The following DMGDH variants were observed in gnomAD, a reference collection of about 807,000 sequenced individuals.
DMGDH encodes dimethylglycine dehydrogenase.
Under a neutral mutation model 95.2 loss-of-function variants are expected in DMGDH, and 76 were observed. The ratio of observed to expected loss-of-function variants is 0.80; its 90% CI spans 0.66 to 0.97. The LOEUF (loss-of-function observed/expected upper bound fraction) is 0.97, where lower values mean the gene tolerates loss of function less well. DMGDH is among the 50% of genes least tolerant of loss of function. The pLI, the probability that DMGDH is intolerant of heterozygous loss-of-function variation, is 0.00. For synonymous variants in DMGDH, 345 were observed against 377.6 expected (o/e 0.91, Z 1.00); for missense variants, 987 against 1,055.0 (o/e 0.94, Z 0.89).
chr5:79,049,089 T>C (rs1184932011), intron 5 of DMGDH, among the ~76,000 whole-genome samples: 1 of 152,148 alleles, frequency 6.6e-6, no homozygotes, highest in Non-Finnish European at 1.5e-5. Flanking sequence ...TCCAGGCTCG[T>C]ACGAGACAAG....
chr5:79,029,169 T>A (rs1027520311), intron 11 of DMGDH, among the ~76,000 whole-genome samples: 1 of 152,190 alleles, frequency 6.6e-6, no homozygotes, highest in Non-Finnish European at 1.5e-5. Context: ...TGGTTTCTAA[T>A]TTATTGAGCA....
At chr5:79,054,104 GT>G in intron 4 of DMGDH, 79 bp downstream of exon 4, 5 of 1,523,480 alleles carry the variant, frequency 3.3e-6, no homozygotes, top group Non-Finnish European at 4.5e-6. Context: ...CAAGTTTTCT[GT>G]TTTTAGTTAA....
chr5:79,005,197 A>G (rs1943208689), intron 15 of DMGDH, 76 bp downstream of exon 15: 1 of 1,595,668 alleles, frequency 6.3e-7, no homozygotes, highest in East Asian at 2.2e-5. Flanking sequence ...AAAGGGTTTA[A>G]GAGGAAATAG....
intron 14 of DMGDH, among the ~76,000 whole-genome samples, chr5:79,019,905 CAGAT>C (rs1419654310): frequency 5.9e-5 from 9 of 151,958 alleles, no homozygotes; most frequent in Admixed American, 6.6e-5. Flanking sequence ...GTTAGATAGA[CAGAT>C]AGATCGATAG....
intron 2 of DMGDH, among the ~76,000 whole-genome samples, chr5:79,056,601 C>A (rs1246120411): frequency 6.8e-6 from 1 of 147,090 alleles, no homozygotes. Flanking sequence ...TGCCTGTAAT[C>A]CCAGCACTTT....
intron 5 of DMGDH, among the ~76,000 whole-genome samples, chr5:79,051,039 G>A (rs1000538693): frequency 1.1e-4 from 17 of 151,974 alleles, no homozygotes; most frequent in African/African-American, 3.1e-4. Flanking sequence ...ACACAATCTG[G>A]AGCAAAATAA....
At chr5:79,005,643 C>T (rs945318229) in intron 14 of DMGDH, among the ~76,000 whole-genome samples, 1 of 152,026 alleles carries the variant, frequency 6.6e-6, no homozygotes, top group Non-Finnish European at 1.5e-5. Flanking sequence ...GACAATTTAC[C>T]AGAACCAGGC....
At chr5:79,060,524 G>A (rs1755168880) in intron 2 of DMGDH, among the ~76,000 whole-genome samples, 1 of 152,138 alleles carries the variant, frequency 6.6e-6, no homozygotes, top group Non-Finnish European at 1.5e-5. Flanking sequence ...CACATATCGT[G>A]CTTCAGGGAA....
intron 1 of DMGDH, among the ~76,000 whole-genome samples, chr5:79,066,589 C>T (rs530458267): frequency 2.6e-5 from 4 of 152,238 alleles, no homozygotes; most frequent in Admixed American, 2.0e-4. Context: ...CCACCACGCC[C>T]GGCCAGTACT....
At chr5:79,001,281 G>A (rs1278298904) in intron 15 of DMGDH, among the ~76,000 whole-genome samples, 1 of 152,184 alleles carries the variant, frequency 6.6e-6, no homozygotes, top group African/African-American at 2.4e-5. Flanking sequence ...TCTTGCCTCA[G>A]CCTCCTGAGT....
chr5:79,004,002 G>A (rs964231752), intron 15 of DMGDH, among the ~76,000 whole-genome samples: 10 of 151,014 alleles, frequency 6.6e-5, no homozygotes, highest in Admixed American at 2.0e-4. Context: ...ACTACAGGGG[G>A]ACATCAACAG....
intron 2 of DMGDH, among the ~76,000 whole-genome samples, 177 bp from the exon 3 acceptor site, chr5:79,056,085 C>T (rs1580226986): frequency 6.6e-6 from 1 of 152,168 alleles, no homozygotes. Context: ...AGGCTCATGA[C>T]AGGTTTTAAG....
At chr5:79,022,066 C>G (rs563837272) in intron 14 of DMGDH, among the ~76,000 whole-genome samples, 1 of 152,284 alleles carries the variant, frequency 6.6e-6, no homozygotes, top group Admixed American at 6.5e-5. Flanking sequence ...GTGTAAATGC[C>G]TAAGGGCCAA....
chr5:79,005,516 T>A, intron 14 of DMGDH, 109 bp from the exon 15 acceptor site: 1 of 1,423,038 alleles, frequency 7.0e-7, no homozygotes, highest in Non-Finnish European at 9.7e-7. Context: ...AATTACACAT[T>A]AAATAAAAAT....
chr5:79,021,685 T>A, intron 14 of DMGDH: 2 of 1,302,582 alleles, frequency 1.5e-6, no homozygotes, highest in African/African-American at 3.0e-5. Context: ...TCTGATCCTA[T>A]CATAAAACAC....
At chr5:79,031,050 A>C (rs1754161363) in intron 9 of DMGDH, 52 bp from the exon 10 acceptor site, 1 of 1,597,932 alleles carries the variant, frequency 6.3e-7, no homozygotes, top group Admixed American at 1.7e-5. Context: ...TTTTTCAAAA[A>C]TTACAGAATA....
chr5:79,030,991 A>T lies in DMGDH; in HGVS notation c.1525T>A (p.Phe509Ile). Reference sequence around the variant, plus strand: ...GGCTCAAACCAGTTTGTGCGGCGAAAACTTGGCCTGAAACACAACATTTAG... The same window carrying T: ...GGCTCAAACCAGTTTGTGCGGCGAATACTTGGCCTGAAACACAACATTTAG... ...PGQDTQYRPS[F>I]RRTNWFEPVG... Residue 509 changes from phenylalanine to isoleucine, a missense_variant, in exon 10 of 16, where the codon TTT (phenylalanine) becomes ATT (isoleucine). Physicochemically the swap from Phe to Ile is conservative, Grantham distance 21 (BLOSUM62 0). Coordinates refer to ENST00000255189, the MANE Select transcript of DMGDH (RefSeq NM_013391.3). 6.2e-7 allele frequency: 1 copy of T among 1,614,196 alleles called. No homozygotes were observed. The highest frequency in any genetic ancestry group is 2.2e-5 in the East Asian group (1 of 44,882).
chr5:79,009,360 C>CTT (rs372464439), intron 14 of DMGDH, among the ~76,000 whole-genome samples: 12,996 of 106,106 alleles, frequency 0.12, 1,018 homozygotes, highest in South Asian at 0.26. Context: ...CTTTTCTTTT[C>CTT]TTTTCTTTTT....
chr5:79,059,931 A>G (rs555399156), intron 2 of DMGDH, among the ~76,000 whole-genome samples: 27 of 152,308 alleles, frequency 1.8e-4, no homozygotes, highest in East Asian at 7.7e-4. Context: ...ATCACACATG[A>G]TATTATTTAA....
Sources: gnomAD v4.1 joint callset for allele counts (sites outside exome capture counted in the v4.1 genomes callset) on GRCh38, gnomAD v4.1.1 for gene constraint, MANE v1.5 for transcripts, NCBI Gene and HGNC (gene_info 2026-07-23, HGNC 2026-07-21) for gene names.